The following SH3PXD2A variants were observed in gnomAD, a reference collection of about 807,000 sequenced individuals.
SH3PXD2A encodes the protein SH3 and PX domain-containing protein 2A.
A neutral mutation model predicts 115.2 loss-of-function variants in SH3PXD2A; 32 were observed. The observed-to-expected ratio is 0.28, with a 90% CI of 0.21 to 0.37. The LOEUF is 0.37. Among genes scored for constraint, SH3PXD2A ranks in the 10% least tolerant of loss-of-function variants. The pLI, the probability that SH3PXD2A is intolerant of heterozygous loss-of-function variation, is 1.00. For missense variants in SH3PXD2A, 1,328 were observed against 1,498.7 expected (o/e 0.89, Z 1.88); for synonymous variants, 610 against 629.1 (o/e 0.97, Z 0.45).
intron 3 of SH3PXD2A, among the ~76,000 whole-genome samples, chr10:103,742,124 G>C (rs1159005975): frequency 6.6e-6 from 1 of 152,210 alleles, no homozygotes; most frequent in Non-Finnish European, 1.5e-5. Flanking sequence ...ACTCCAGCCT[G>C]GGTGACATAG....
chr10:103,772,038 A>T (rs1235547799), intron 2 of SH3PXD2A, among the ~76,000 whole-genome samples: 3 of 152,162 alleles, frequency 2.0e-5, no homozygotes, highest in South Asian at 4.1e-4. Context: ...GCTGCCAGGG[A>T]CACCTTTTCT....
At chr10:103,836,005 G>A (rs1162380513) in intron 1 of SH3PXD2A, among the ~76,000 whole-genome samples, 3 of 152,128 alleles carry the variant, frequency 2.0e-5, no homozygotes, top group African/African-American at 4.8e-5. Context: ...TCCCAGTACC[G>A]CGTCTTCCTA....
At chr10:103,703,098 T>C (rs553305143) in intron 5 of SH3PXD2A, among the ~76,000 whole-genome samples, 3 of 152,274 alleles carry the variant, frequency 2.0e-5, no homozygotes, top group East Asian at 3.9e-4. Flanking sequence ...CTATTTCCCA[T>C]GGAGGCCAAG....
At chr10:103,813,326 T>C (rs902838390) in intron 1 of SH3PXD2A, among the ~76,000 whole-genome samples, 6 of 152,220 alleles carry the variant, frequency 3.9e-5, no homozygotes, top group African/African-American at 1.4e-4. Context: ...TTTTTTCTTT[T>C]TCTTTTTAGA....
At position 103,602,522 on chromosome 10, in the gene SH3PXD2A, T is replaced by C. The variant is rs1233166415; in HGVS notation, c.2696A>G (p.Asn899Ser). Residue 899 changes from asparagine (N) to serine (S), a missense_variant, in exon 15 of 15, where the codon AAC (asparagine) becomes AGC (serine). Coordinates refer to ENST00000369774, the MANE Select transcript of SH3PXD2A (RefSeq NM_001394015.1). ...APSHYLVLDE[N>S]EQPDPSGKEL... ...TTTGCCAGAGGGGTCAGGTTGCTCG[T>C]TCTCATCCAGCACCAAATAGTGGGA... The C allele has an allele frequency of 1.7e-5, 27 of 1,614,018 alleles. No individual in the cohort carries two copies. In the Admixed American group the frequency reaches 4.5e-4, roughly 27 times the overall value.
chr10:103,601,872 C>T lies in SH3PXD2A; in HGVS notation c.3346G>A (p.Gly1116Ser), dbSNP rs754299114. Residue 1116 changes from glycine (G) to serine (S), a missense_variant, in exon 15 of 15, where the codon GGT (glycine) becomes AGT (serine). Around this residue, in one of 5 missense-constraint regions of SH3PXD2A, gnomAD observed 45 missense variants for 73.6 expected, o/e 0.61. Transcript: ENST00000369774. The stretch of plus-strand genomic sequence containing the variant: ...ACCCAGCCTTTGAAGGGCTTCACAC[C>T]ATCCAGGATCTGGCAGTACCACCAG... ...NGWWYCQILD[G>S]VKPFKGWVPS... 1.5e-5 allele frequency: 24 copies of T among 1,613,694 alleles called. No homozygotes were observed. The South Asian group carries it at 2.3e-4, about 16-fold the overall frequency.
At position 103,597,568 on chromosome 10, in the gene SH3PXD2A, A is replaced by G. The variant is rs2036153582; in HGVS notation, c.*4248T>C. On this transcript the variant is annotated 3_prime_UTR_variant, in exon 15 of 15. Transcript: ENST00000369774. ...TTTCTTCTGGGTGGATCTGGCAGGGACCCCTATCATCTTCCCAAAGAAGGG... is the reference window on the plus strand; with the variant it reads ...TTTCTTCTGGGTGGATCTGGCAGGGGCCCCTATCATCTTCCCAAAGAAGGG... The G allele has an allele frequency of 6.6e-6, 1 of 152,366 alleles. No homozygotes were observed. Among genetic ancestry groups the G allele is most frequent in the African/African-American group, 2.4e-5 (1 of 41,420 alleles). 9.4% of individuals were successfully genotyped at this position (152,366 alleles called of 1,614,324 possible). A position where few individuals can be genotyped will look rare whatever the true frequency, so the allele number is the denominator to read the frequency against.
chr10:103,795,900 GGAAA>G (rs1202184210), intron 2 of SH3PXD2A, among the ~76,000 whole-genome samples: 24 of 123,534 alleles, frequency 1.9e-4, no homozygotes, highest in African/African-American at 7.1e-4. Flanking sequence ...GAGGGAGGGA[GGAAA>G]AGGAAGGAAG....
chr10:103,747,506 T>C (rs768209205), intron 3 of SH3PXD2A, among the ~76,000 whole-genome samples: 10 of 152,092 alleles, frequency 6.6e-5, no homozygotes, highest in Admixed American at 6.5e-5. Context: ...CCCTGTGGCA[T>C]GGTCCACAGT....
At chr10:103,641,023 G>A (rs1478915471) in intron 8 of SH3PXD2A, among the ~76,000 whole-genome samples, 1 of 152,152 alleles carries the variant, frequency 6.6e-6, no homozygotes, top group Non-Finnish European at 1.5e-5. Context: ...AATCAACCCA[G>A]GATGAGGACA....
At chr10:103,619,466 C>G (rs2036570681) in intron 10 of SH3PXD2A, among the ~76,000 whole-genome samples, 1 of 152,200 alleles carries the variant, frequency 6.6e-6, no homozygotes, top group East Asian at 1.9e-4. Flanking sequence ...AGGAAGCCAT[C>G]ATTAAGGTTT....
intron 5 of SH3PXD2A, among the ~76,000 whole-genome samples, chr10:103,694,346 A>C (rs1490034234): frequency 1.3e-5 from 2 of 152,180 alleles, no homozygotes; most frequent in African/African-American, 4.8e-5. Flanking sequence ...TCCCAGGGAA[A>C]GGAGCAGAGT....
chr10:103,712,882 G>A (rs2038062243), intron 5 of SH3PXD2A, among the ~76,000 whole-genome samples: 1 of 152,234 alleles, frequency 6.6e-6, no homozygotes, highest in Non-Finnish European at 1.5e-5. Context: ...GAGCTGAAGG[G>A]CAATGGCATG....
intron 1 of SH3PXD2A, among the ~76,000 whole-genome samples, chr10:103,852,992 T>C (rs1427107419): frequency 6.6e-6 from 1 of 152,142 alleles, no homozygotes; most frequent in Admixed American, 6.5e-5. Context: ...AGTCTTCGGG[T>C]CTCTGCCCGT....
chr10:103,738,705 G>A (rs1268166215), intron 3 of SH3PXD2A, among the ~76,000 whole-genome samples: 4 of 152,174 alleles, frequency 2.6e-5, no homozygotes, highest in Non-Finnish European at 5.9e-5. Flanking sequence ...GAAGATAAAT[G>A]GGGTCCCTCT....
At chr10:103,698,743 G>A (rs982923978) in intron 5 of SH3PXD2A, among the ~76,000 whole-genome samples, 5 of 152,144 alleles carry the variant, frequency 3.3e-5, no homozygotes, top group African/African-American at 4.8e-5. Context: ...TAAGTCCAAC[G>A]AGAAAGCCAA....
chr10:103,697,713 T>C (rs962703837), intron 5 of SH3PXD2A, among the ~76,000 whole-genome samples: 2 of 151,788 alleles, frequency 1.3e-5, no homozygotes, highest in Admixed American at 6.6e-5. Flanking sequence ...CCCGAAAGGG[T>C]TTTTCTTTTT....
At chr10:103,702,892 T>C (rs1402952568) in intron 5 of SH3PXD2A, among the ~76,000 whole-genome samples, 1 of 152,068 alleles carries the variant, frequency 6.6e-6, no homozygotes, top group African/African-American at 2.4e-5. Flanking sequence ...CCCCTCAAGC[T>C]ACACTGGCCC....
rs868348492 is a variant in SH3PXD2A at position 103,761,159 on chromosome 10, C to T, written c.229+5935G>A. Among the ~76,000 whole-genome samples, 59 of 152,324 alleles carry T rather than the reference C, an allele frequency of 3.9e-4. No individual in the cohort carries two copies. The Middle Eastern group carries it at 0.017, about 44-fold the overall frequency. On this transcript the variant is annotated intron_variant, in intron 3 of 14. Coordinates refer to ENST00000369774, the MANE Select transcript of SH3PXD2A (RefSeq NM_001394015.1). ...ACCTCCATAAAATAAAAATCAATTACTCAGGTCTGTGGTCTAGTTAGTTGA... is the reference window on the plus strand; with the variant it reads ...ACCTCCATAAAATAAAAATCAATTATTCAGGTCTGTGGTCTAGTTAGTTGA...
Sources: allele counts gnomAD v4.1 joint callset (sites outside exome capture counted in the v4.1 genomes callset), GRCh38; gene constraint gnomAD v4.1.1; regional missense constraint gnomAD v4.1.1; transcripts MANE v1.5; gene names NCBI Gene and HGNC (gene_info 2026-07-23, HGNC 2026-07-21).